Variants in ITIH6 observed in about 807,000 individuals in gnomAD.
ITIH6 encodes the protein inter-alpha-trypsin inhibitor heavy chain H6.
In ITIH6, 60 loss-of-function variants were observed where a neutral mutation model predicts 58.2. The ratio of observed to expected loss-of-function variants is 1.03; its 90% CI spans 0.84 to 1.28. ITIH6 has a LOEUF of 1.28. Among genes scored for constraint, ITIH6 ranks in the 50% most tolerant of loss-of-function variants. The pLI, the probability that ITIH6 is intolerant of heterozygous loss-of-function variation, is 0.00. For missense variants in ITIH6, 1,290 were observed against 1,021.1 expected (o/e 1.26, Z -3.59); for synonymous variants, 493 against 417.4 (o/e 1.18, Z -2.21).
Position 54,749,948 on chromosome X carries a change from G to C in ITIH6, c.3889C>G (p.Arg1297Gly). ...CCCAGAAGCAGCTCTACATGAGAGC[G>C]CTTCACCAGCCAGCAGGAAGCCCAG... ...PRWASCWLVK[R>G]SHVELLLGHP... The change falls in exon 13 of 13, where the codon CGC (arginine) becomes GGC (glycine). Residue 1297 changes from arginine (R) to glycine (G), a missense_variant. By Grantham distance (125) the Arg-to-Gly change is moderately radical. Transcript: ENST00000218436. 1 of 1,211,434 alleles carries C rather than the reference G, an allele frequency of 8.3e-7. No individual in the cohort carries two copies. Among genetic ancestry groups the C allele is most frequent in the Non-Finnish European group, 1.1e-6 (1 of 895,345 alleles).
intron 5 of ITIH6, among the ~76,000 whole-genome samples, chrX:54,779,834 TAA>T (rs1929118216): frequency 9.2e-6 from 1 of 109,280 alleles, no homozygotes; most frequent in Admixed American, 9.8e-5. Context: ...AGACTACAAA[TAA>T]AGAGATGGAA....
In ITIH6 at chrX:54,790,855, G is replaced by C. The variant is rs774718756; in HGVS notation, c.598C>G (p.Arg200Gly). Residue 200 changes from arginine (R) to glycine (G), a missense_variant, in exon 4 of 13, where the codon CGC becomes GGC. By Grantham distance (125) the Arg-to-Gly change is moderately radical. Transcript: ENST00000218436. ...HIPPLRTGRL[R>G]TNAHASEVDS... Reference sequence around the variant, plus strand: ...CACATACTTGCATGGGCATTGGTGCGCAGACGGCCGGTCCTCAGGGGTGGT... The same window carrying C: ...CACATACTTGCATGGGCATTGGTGCCCAGACGGCCGGTCCTCAGGGGTGGT... 2.5e-6 allele frequency: 3 copies of C among 1,211,943 alleles called. No individual in the cohort carries two copies. The highest frequency in any genetic ancestry group is 3.4e-6 in the Non-Finnish European group (3 of 895,446).
intron 8 of ITIH6, among the ~76,000 whole-genome samples, chrX:54,755,912 A>G (rs1490096303): frequency 9.0e-6 from 1 of 111,249 alleles, no homozygotes; most frequent in Non-Finnish European, 1.9e-5. Flanking sequence ...TTGTGTCTTT[A>G]AAGGATCCCT....
intron 7 of ITIH6, among the ~76,000 whole-genome samples, chrX:54,759,314 C>A (rs768358155): frequency 1.8e-5 from 2 of 111,450 alleles, no homozygotes; most frequent in Non-Finnish European, 3.8e-5. Flanking sequence ...TAGCACCCCC[C>A]CCTCCAACCT....
Position 54,751,324 on chromosome X carries a change from G to T in ITIH6, c.3409C>A (p.Gln1137Lys). Residue 1137 changes from glutamine to lysine, a missense_variant, in exon 12 of 13, where the codon CAG becomes AAG. Coordinates refer to ENST00000218436, the MANE Select transcript of ITIH6 (RefSeq NM_198510.3). ...ATGATCTGGAAGTAGGTGCGAGTCTGGTCCTTGTGGCCCGGCCTTGGTGGT... is the reference window on the plus strand; with the variant it reads ...ATGATCTGGAAGTAGGTGCGAGTCTTGTCCTTGTGGCCCGGCCTTGGTGGT... ...GAPPRPGHKD[Q>K]TRTYFQIITV... 2 of 1,211,952 alleles carry T rather than the reference G, an allele frequency of 1.7e-6. No individual in the cohort carries two copies. Among genetic ancestry groups the T allele is most frequent in the Non-Finnish European group, 2.2e-6 (2 of 895,393 alleles).
intron 6 of ITIH6, among the ~76,000 whole-genome samples, chrX:54,769,480 CTGTTCTGTTTTTT>C (rs1194920809): frequency 1.9e-5 from 2 of 106,588 alleles, no homozygotes; most frequent in African/African-American, 7.0e-5. Flanking sequence ...TCCAGTTTTT[CTGTTCTGTTTTTT>C]CCCCATCTTT....
At chrX:54,787,399 G>C (rs1258096105) in intron 5 of ITIH6, 1 of 111,176 alleles carries the variant, frequency 9.0e-6, no homozygotes, top group Non-Finnish European at 1.9e-5. Context: ...TCCTCCACTG[G>C]CACCTCTGCA....
rs750664530 is a variant in ITIH6 at position 54,753,709 on chromosome X, G to A, written c.3294C>T (p.Cys1098=). The change falls in exon 11 of 13, where the codon TGC becomes TGT. Residue 1098 remains cysteine (C), a synonymous_variant. Transcript: ENST00000218436. ...IQIPHSEEKI[C]FTLNGHPGDL... is the part of the protein sequence containing the mutation. Reference sequence around the variant, plus strand: ...CCCCAGGGTGCCCATTCAGTGTGAAGCAGATCTTCTCTTCTGAGTGTGGGA... The same window carrying A: ...CCCCAGGGTGCCCATTCAGTGTGAAACAGATCTTCTCTTCTGAGTGTGGGA... 11 of 1,209,506 alleles carry A rather than the reference G, an allele frequency of 9.1e-6. No individual in the cohort carries two copies. The highest frequency in any genetic ancestry group is 1.8e-5 in the African/African-American group (1 of 57,029).
intron 5 of ITIH6, among the ~76,000 whole-genome samples, chrX:54,783,285 C>T (rs139700859): frequency 0.029 from 3,242 of 111,729 alleles, 46 homozygotes; most frequent in Admixed American, 0.042. Flanking sequence ...GAGCACGACA[C>T]GGATGCTCAC....
At chrX:54,780,326 T>C (rs1428247939) in intron 5 of ITIH6, among the ~76,000 whole-genome samples, 2 of 112,352 alleles carry the variant, frequency 1.8e-5, no homozygotes, top group Non-Finnish European at 3.8e-5. Context: ...GCATCTTCTC[T>C]GACCACAATG....
intron 8 of ITIH6, among the ~76,000 whole-genome samples, chrX:54,756,086 G>GC (rs1928480131): frequency 9.0e-6 from 1 of 110,935 alleles, no homozygotes; most frequent in Non-Finnish European, 1.9e-5. Context: ...TATATTAGAG[G>GC]TAGCATTGTC....
At position 54,774,086 on chromosome X, in the gene ITIH6, C is replaced by G. The variant is rs1202520370; in HGVS notation, c.898G>C (p.Glu300Gln). The G allele has an allele frequency of 7.0e-6, 8 of 1,143,035 alleles. No homozygotes were observed. Among genetic ancestry groups the G allele is most frequent in the Non-Finnish European group, 9.5e-6 (8 of 844,807 alleles). 94.2% of individuals were successfully genotyped at this position (1,143,035 alleles called of 1,213,427 possible). A position where few individuals can be genotyped will look rare whatever the true frequency, so the allele number is the denominator to read the frequency against. ...VSSSMFGTKM[E>Q]QTKTAMNVIL... ...GTTTCCAGGATCCTTGTTACCTGTT[C>G]CATCTTGGTACCAAACATGGAGCTG... Residue 300 changes from glutamate to glutamine, a missense_variant, in exon 6 of 13, where the codon GAA becomes CAA. Physicochemically the swap from Glu to Gln is conservative, Grantham distance 29. Coordinates refer to ENST00000218436, the MANE Select transcript of ITIH6 (RefSeq NM_198510.3).
intron 6 of ITIH6, among the ~76,000 whole-genome samples, chrX:54,770,818 C>T (rs1392005955): frequency 8.9e-6 from 1 of 112,438 alleles, no homozygotes; most frequent in East Asian, 2.8e-4. Flanking sequence ...TTATGTAGAT[C>T]CAAGTATCTG....
chrX:54,783,693 TAAA>T (rs1160256585), intron 5 of ITIH6, among the ~76,000 whole-genome samples: 1 of 111,892 alleles, frequency 8.9e-6, no homozygotes, highest in Non-Finnish European at 1.9e-5. Flanking sequence ...AAGAGGACAC[TAAA>T]AAATGGAAAG....
At position 54,755,097 on chromosome X, in the gene ITIH6, C is replaced by G. The variant is rs17316491; in HGVS notation, c.3122G>C (p.Trp1041Ser). ...CAGGATCTCCTCAGAATTGCCATCC[C>G]AGTTTGGACTTCCTGCCAAGCACAA... ...LTPDEDGSPN[W>S]DGNSEEILGG... Residue 1041 changes from tryptophan to serine, a missense_variant, in exon 9 of 13, where the codon TGG (tryptophan) becomes TCG (serine). Coordinates refer to ENST00000218436, the MANE Select transcript of ITIH6 (RefSeq NM_198510.3). 97,834 of 1,203,631 alleles carry G rather than the reference C, an allele frequency of 0.081. 3,162 individuals carry two copies. The highest frequency in any genetic ancestry group is 0.094 in the Non-Finnish European group (83,755 of 890,197).
Position 54,751,126 on chromosome X carries a change from G to T in ITIH6, c.3607C>A (p.Pro1203Thr). The change falls in exon 12 of 13, where the codon CCC becomes ACC. Residue 1203 changes from proline (P) to threonine (T), a missense_variant. Pro to Thr is a conservative substitution (Grantham distance 38). Transcript: ENST00000218436. Reference sequence around the variant, plus strand: ...CGGAGGACTAGGAACTCAAGGTAGGGCCCAAGGCGGAGGGTAAGGCGGGCT... The same window carrying T: ...CGGAGGACTAGGAACTCAAGGTAGGTCCCAAGGCGGAGGGTAAGGCGGGCT... ...AAARLTLRLG[P>T]YLEFLVLRHR... 3.3e-6 allele frequency: 4 copies of T among 1,208,848 alleles called. No individual in the cohort carries two copies. Among genetic ancestry groups the T allele is most frequent in the Non-Finnish European group, 4.5e-6 (4 of 894,111 alleles).
Position 54,769,145 on chromosome X carries a change from A to C in ITIH6, c.903+4936T>G, listed in dbSNP as rs1421369819. 3.4e-5 allele frequency among the ~76,000 whole-genome samples: 3 copies of C among 89,129 alleles called. No homozygotes were observed. In the Admixed American group the frequency reaches 3.8e-4, roughly 11 times the overall value. The allele number at this position is 89,129 out of a possible 115,157, so 77.4% of individuals were successfully genotyped here. A position where few individuals can be genotyped will look rare whatever the true frequency, so the allele number is the denominator to read the frequency against. On this transcript the variant is annotated intron_variant, in intron 6 of 12. Coordinates refer to ENST00000218436, the MANE Select transcript of ITIH6 (RefSeq NM_198510.3). ...TCATTCATTTCATCTTCCATTGCTG[A>C]TACCCTTTCTTCCAGTTGATCGCAT... is the stretch of plus-strand genomic sequence containing the variant.
chrX:54,789,163 T>C lies in ITIH6; in HGVS notation c.617-514A>G, dbSNP rs1483512386. ...CTGGGTCGGATTTCATATTTCTTCTTCCCTCTCTGCCTTCTGACTCTGGGC... is the reference window on the plus strand; with the variant it reads ...CTGGGTCGGATTTCATATTTCTTCTCCCCTCTCTGCCTTCTGACTCTGGGC... On this transcript the variant is annotated intron_variant, in intron 4 of 12. Coordinates refer to ENST00000218436, the MANE Select transcript of ITIH6 (RefSeq NM_198510.3). Among the ~76,000 whole-genome samples the C allele has an allele frequency of 2.7e-5, 3 of 111,806 alleles. No individual in the cohort carries two copies. The East Asian group carries it at 8.5e-4, about 32-fold the overall frequency.
At chrX:54,771,877 G>T (rs1205903951) in intron 6 of ITIH6, among the ~76,000 whole-genome samples, 3 of 111,783 alleles carry the variant, frequency 2.7e-5, no homozygotes, top group Non-Finnish European at 5.6e-5. Context: ...GGAGAAAAGG[G>T]AACGCTTATA....
Sources: allele counts gnomAD v4.1 joint callset (sites outside exome capture counted in the v4.1 genomes callset), GRCh38; gene constraint gnomAD v4.1.1; transcripts MANE v1.5; gene names NCBI Gene and HGNC (gene_info 2026-07-23, HGNC 2026-07-21).